DRD2: variants seen among roughly 807,000 people sequenced by gnomAD.
The protein encoded by DRD2 is dopamine receptor D2.
Under a neutral mutation model 38.0 loss-of-function variants are expected in DRD2, and 8 were observed. The ratio of observed to expected loss-of-function variants is 0.21; its 90% confidence interval spans 0.12 to 0.38. The LOEUF (loss-of-function observed/expected upper bound fraction) is 0.38. DRD2 is among the 10% of genes least tolerant of loss of function. DRD2 has a pLI of 1.00. For missense variants in DRD2, 403 were observed against 607.7 expected (o/e 0.66, Z 3.54); for synonymous variants, 230 against 238.6 (o/e 0.96, Z 0.33).
At chr11:113,417,046 C>T (rs755627958) in intron 3 of DRD2, 47 bp from the exon 4 acceptor site, 1 of 1,605,208 alleles carries the variant, frequency 6.2e-7, no homozygotes, top group East Asian at 2.2e-5. Flanking sequence ...CCCAGGGACC[C>T]CTCACTCCAC....
chr11:113,440,003 C>T (rs1951075131), intron 1 of DRD2, among the ~76,000 whole-genome samples: 1 of 152,088 alleles, frequency 6.6e-6, no homozygotes, highest in South Asian at 2.1e-4. Context: ...TCTCTGACTC[C>T]TGGAAAGGGC....
intron 4 of DRD2, 63 bp from the exon 5 acceptor site, chr11:113,415,674 G>A (rs542019229): frequency 1.3e-5 from 20 of 1,543,314 alleles, no homozygotes; most frequent in African/African-American, 4.1e-5. Context: ...AATTCCACAA[G>A]AGCCCATTCA....
At chr11:113,432,834 T>C (rs1209842610) in intron 1 of DRD2, among the ~76,000 whole-genome samples, 4 of 152,062 alleles carry the variant, frequency 2.6e-5, no homozygotes, top group African/African-American at 9.7e-5. Flanking sequence ...AAAGGCAGCA[T>C]GGAAATGGAA....
At chr11:113,468,891 T>C (rs1951395362) in intron 1 of DRD2, among the ~76,000 whole-genome samples, 1 of 152,242 alleles carries the variant, frequency 6.6e-6, no homozygotes, top group South Asian at 2.1e-4. Context: ...GTCACTCCTG[T>C]GTCTGTCCAG....
chr11:113,415,339 GC>G (rs1950814902), intron 5 of DRD2, 81 bp downstream of exon 5: 1 of 1,503,958 alleles, frequency 6.6e-7, no homozygotes, highest in African/African-American at 1.4e-5. Flanking sequence ...GGTTTCCCAA[GC>G]CCCCACCTGA....
intron 2 of DRD2, among the ~76,000 whole-genome samples, chr11:113,424,006 C>A (rs1950911658): frequency 6.6e-6 from 1 of 152,166 alleles, no homozygotes; most frequent in Non-Finnish European, 1.5e-5. Context: ...TTGGACTTGC[C>A]AGCCGTGTGA....
At chr11:113,458,881 C>A (rs954219784) in intron 1 of DRD2, among the ~76,000 whole-genome samples, 1 of 152,096 alleles carries the variant, frequency 6.6e-6, no homozygotes, top group Non-Finnish European at 1.5e-5. Flanking sequence ...AGGTCATTAT[C>A]GACCTCACAT....
chr11:113,464,786 GC>G (rs1365071044), intron 1 of DRD2, among the ~76,000 whole-genome samples: 1 of 152,172 alleles, frequency 6.6e-6, no homozygotes, highest in African/African-American at 2.4e-5. Flanking sequence ...GATTCTATCA[GC>G]CTATCTTCCC....
At chr11:113,454,582 C>A (rs1354258463) in intron 1 of DRD2, among the ~76,000 whole-genome samples, 1 of 152,112 alleles carries the variant, frequency 6.6e-6, no homozygotes, top group Non-Finnish European at 1.5e-5. Flanking sequence ...TTCGTCCTGG[C>A]TGAAGGGCAG....
intron 1 of DRD2, among the ~76,000 whole-genome samples, chr11:113,460,619 T>C (rs910159492): frequency 2.6e-5 from 4 of 152,344 alleles, no homozygotes; most frequent in South Asian, 4.1e-4. Context: ...CTGTGGGAGC[T>C]TGGCTGCTCA....
chr11:113,461,536 AG>A (rs1044180826), intron 1 of DRD2, among the ~76,000 whole-genome samples: 7 of 152,170 alleles, frequency 4.6e-5, no homozygotes, highest in Admixed American at 2.6e-4. Context: ...GGTGGAGATG[AG>A]GGATCCCCCA....
At chr11:113,428,596 T>C (rs1025068819) in intron 1 of DRD2, among the ~76,000 whole-genome samples, 7 of 152,130 alleles carry the variant, frequency 4.6e-5, no homozygotes, top group Non-Finnish European at 7.4e-5. Context: ...GTGGAGAACT[T>C]CCTGGAGGAG....
chr11:113,462,568 C>T (rs980073198), intron 1 of DRD2, among the ~76,000 whole-genome samples: 2 of 152,158 alleles, frequency 1.3e-5, no homozygotes, highest in Non-Finnish European at 2.9e-5. Context: ...AGAGACAAGA[C>T]AGTATCCTCC....
At chr11:113,449,048 C>A (rs1313474053) in intron 1 of DRD2, among the ~76,000 whole-genome samples, 1 of 152,176 alleles carries the variant, frequency 6.6e-6, no homozygotes, top group Non-Finnish European at 1.5e-5. Context: ...TTCTTTAGCT[C>A]TCTGTCTTTG....
intron 1 of DRD2, among the ~76,000 whole-genome samples, chr11:113,444,386 A>G (rs1951122404): frequency 1.3e-5 from 2 of 152,226 alleles, no homozygotes; most frequent in South Asian, 2.1e-4. Flanking sequence ...ACGTTTGGTA[A>G]ATGAATGTAC....
At chr11:113,465,411 G>GTTTGT (rs1555168769) in intron 1 of DRD2, among the ~76,000 whole-genome samples, 44 of 150,622 alleles carry the variant, frequency 2.9e-4, no homozygotes, top group South Asian at 4.2e-4. Flanking sequence ...TGTTGTTGTT[G>GTTTGT]TTGTTTGTTT....
rs149143840 is a variant in DRD2, at chr11:113,466,998, A to G, written c.-32+8078T>C. Among the ~76,000 whole-genome samples, 1,136 of 152,298 alleles carry G rather than the reference A, an allele frequency of 7.5e-3. 16 individuals are homozygous for G. Among genetic ancestry groups the G allele is most frequent in the African/African-American group, 0.025 (1,037 of 41,556 alleles). ...AGTGATCCCAGACCTTCAACTACAC[A>G]TACTACTAAAGAAAAATAGTGTGTG... On this transcript the variant is annotated intron_variant, in intron 1 of 7. Coordinates refer to ENST00000362072, the MANE Select transcript of DRD2 (RefSeq NM_000795.4).
chr11:113,442,913 C>A (rs1052150730), intron 1 of DRD2, among the ~76,000 whole-genome samples: 1 of 152,304 alleles, frequency 6.6e-6, no homozygotes, highest in Admixed American at 6.5e-5. Flanking sequence ...TTCCTCCATG[C>A]AGTGCTGGGC....
intron 2 of DRD2, among the ~76,000 whole-genome samples, chr11:113,423,980 A>C (rs1434129698): frequency 6.6e-6 from 1 of 152,170 alleles, no homozygotes. Flanking sequence ...ACTAACTCTG[A>C]GGCCAGAATT....
Sources: gnomAD v4.1 joint callset for allele counts (sites outside exome capture counted in the v4.1 genomes callset) on GRCh38, gnomAD v4.1.1 for gene constraint, MANE v1.5 for transcripts, NCBI Gene and HGNC (gene_info 2026-07-23, HGNC 2026-07-21) for gene names.